The following IL11RA variants were observed in gnomAD, a reference collection of about 807,000 sequenced individuals.
IL11RA encodes the protein interleukin-11 receptor subunit alpha.
IL11RA carries 51 observed loss-of-function variants against 57.0 expected under a neutral mutation model. That is an observed-to-expected ratio of 0.89 (90% CI 0.71 to 1.13). The LOEUF is 1.13. Ranked by LOEUF, IL11RA falls within the 50% of genes most tolerant of loss-of-function variation. The pLI is 0.00. For synonymous variants in IL11RA, 199 were observed against 217.5 expected (o/e 0.91, Z 0.75); for missense variants, 498 against 539.4 (o/e 0.92, Z 0.76).
rs10121602 is a variant in IL11RA, at chr9:34,659,416, C to T, written c.811-343C>T. 7.8e-3 allele frequency among the ~76,000 whole-genome samples: 1,192 copies of T among 152,256 alleles called. 17 individuals carry two copies. The highest frequency in any genetic ancestry group is 0.027 in the African/African-American group (1,116 of 41,530). On this transcript the variant is annotated intron_variant, in intron 8 of 12. Transcript: ENST00000441545. ...CTTAGTGCTGCCTGCCTGTGGGGTA[C>T]CTGGCTACACTTTTTGCATACATTG...
At chr9:34,656,994 C>T (rs1359953684) in intron 4 of IL11RA, 41 bp from the exon 5 acceptor site, 24 of 1,609,530 alleles carry the variant, frequency 1.5e-5, no homozygotes, top group Admixed American at 6.7e-5. Context: ...CCAGGAGGAC[C>T]TGAGGACTGC....
chr9:34,655,736 CG>C (rs1361057527), intron 3 of IL11RA, 71 bp downstream of exon 3: 2 of 1,343,816 alleles, frequency 1.5e-6, no homozygotes, highest in Non-Finnish European at 2.1e-6. Flanking sequence ...CCTCATGTCC[CG>C]CCCCTCCCAT....
chr9:34,654,984 T>G (rs1587244821), intron 1 of IL11RA: 4 of 489,364 alleles, frequency 8.2e-6, no homozygotes, highest in Non-Finnish European at 1.5e-5. Flanking sequence ...TGTGAGGGGG[T>G]GTGTGTGTCC....
intron 6 of IL11RA, 29 bp downstream of exon 6, chr9:34,657,364 C>A (rs752902570): frequency 6.2e-7 from 1 of 1,614,106 alleles, no homozygotes. Flanking sequence ...TGTGGGGGCT[C>A]CAGCTGGGTC....
chr9:34,659,944 A>C (rs1246967954), intron 9 of IL11RA, 44 bp downstream of exon 9: 1 of 1,604,878 alleles, frequency 6.2e-7, no homozygotes, highest in East Asian at 2.3e-5. Context: ...CCCATCCCAA[A>C]GCATCTATCA....
Position 34,657,050 on chromosome 9 carries a change from C to T in IL11RA, c.347C>T (p.Pro116Leu), listed in dbSNP as rs1465759522. ...TLQLGYPPAR[P>L]VVSCQAADYE... ...CTGCCTCTAGACCCTCCAGCCCGCC[C>T]TGTTGTCTCCTGCCAAGCAGCCGAC... Residue 116 changes from proline to leucine, a missense_variant, in exon 5 of 13, where the codon CCT becomes CTT. Pro to Leu is a moderately conservative substitution (Grantham distance 98). Coordinates refer to ENST00000441545, the MANE Select transcript of IL11RA (RefSeq NM_001142784.3). The T allele has an allele frequency of 6.2e-7, 1 of 1,614,024 alleles. No individual in the cohort carries two copies. Among genetic ancestry groups the T allele is most frequent in the East Asian group, 2.2e-5 (1 of 44,880 alleles).
intron 1 of IL11RA, 108 bp from the exon 2 acceptor site, chr9:34,655,110 T>G: frequency 1.3e-6 from 1 of 770,666 alleles, no homozygotes; most frequent in South Asian, 1.5e-5. Context: ...TTACCCCACT[T>G]GGTGCATCAA....
intron 2 of IL11RA, 102 bp downstream of exon 2, chr9:34,655,419 C>T: frequency 1.2e-6 from 1 of 866,426 alleles, no homozygotes; most frequent in Non-Finnish European, 1.9e-6. Context: ...ACCCCTGCTC[C>T]TGTCATCCAA....
intron 12 of IL11RA, 101 bp from the exon 13 acceptor site, chr9:34,661,381 G>A (rs1821453643): frequency 7.8e-7 from 1 of 1,280,224 alleles, no homozygotes; most frequent in Admixed American, 1.7e-5. Context: ...CTCATCTTCA[G>A]AGTGTTAAGC....
Position 34,653,282 on chromosome 9 carries a change from G to C in IL11RA, c.-1+1049G>C, listed in dbSNP as rs1296750534. Among the ~76,000 whole-genome samples the C allele has an allele frequency of 6.6e-6, 1 of 152,196 alleles. No homozygotes were observed. Among genetic ancestry groups the C allele is most frequent in the African/African-American group, 2.4e-5 (1 of 41,438 alleles). ...TCTGAGGCGGTGTGGCTGTGCCCGTGTGACTGTGAGTGACCGCATGTGAGA... is the reference window on the plus strand; with the variant it reads ...TCTGAGGCGGTGTGGCTGTGCCCGTCTGACTGTGAGTGACCGCATGTGAGA... On this transcript the variant is annotated intron_variant, in intron 1 of 12. Coordinates refer to ENST00000441545, the MANE Select transcript of IL11RA (RefSeq NM_001142784.3). This position sits in a 1 kb window ranked among gnomAD's most constrained non-coding sequence, Gnocchi z 4.5.
chr9:34,660,459 G>C (rs1386155094), intron 10 of IL11RA, 45 bp from the exon 11 acceptor site: 2 of 1,613,998 alleles, frequency 1.2e-6, no homozygotes, highest in Non-Finnish European at 1.7e-6. Context: ...GGGACACCGA[G>C]CTTGGTCAGG....
chr9:34,659,752 C>T lies in IL11RA; in HGVS notation c.811-7C>T, dbSNP rs747921148. The T allele has an allele frequency of 4.3e-6, 7 of 1,614,072 alleles. No homozygotes were observed. The highest frequency in any genetic ancestry group is 5.9e-6 in the Non-Finnish European group (7 of 1,179,986). The stretch of plus-strand genomic sequence containing the variant: ...GCTGGGTAACAGTGAGTCATGTTTA[C>T]CCCCAGGTGGAGCCAGCTGGACTGG... On this transcript the variant is annotated splice_polypyrimidine_tract_variant and splice_region_variant and intron_variant, in intron 8 of 12. Transcript: ENST00000441545.
chr9:34,658,937 T>G lies in IL11RA; in HGVS notation c.810+254T>G, dbSNP rs756117032. Among the ~76,000 whole-genome samples the G allele has an allele frequency of 2.6e-5, 4 of 152,158 alleles. No homozygotes were observed. The highest frequency in any genetic ancestry group is 5.9e-5 in the Non-Finnish European group (4 of 68,018). On this transcript the variant is annotated intron_variant, in intron 8 of 12. Transcript: ENST00000441545. The surrounding 1 kb of genome is among the most constrained non-coding windows in gnomAD (Gnocchi z 4.0). ...ATGGCTTTTAAAAAAATAACTTTTT[T>G]TTTTTGAGAGGGAGTCTCGCTCTGT...
At chr9:34,660,800 G>A (rs1355354300) in intron 11 of IL11RA, 54 bp from the exon 12 acceptor site, 3 of 1,498,454 alleles carry the variant, frequency 2.0e-6, no homozygotes, top group Admixed American at 1.7e-5. Flanking sequence ...ACCCTTTGGC[G>A]GAGACTGAGA....
intron 1 of IL11RA, among the ~76,000 whole-genome samples, chr9:34,652,869 T>G (rs1169596670): frequency 6.6e-6 from 1 of 152,106 alleles, no homozygotes; most frequent in African/African-American, 2.4e-5. Context: ...GGTCTACTGC[T>G]CCTTATTTTC....
chr9:34,654,737 C>A (rs1441546038), intron 1 of IL11RA, among the ~76,000 whole-genome samples: 2 of 152,298 alleles, frequency 1.3e-5, no homozygotes, highest in East Asian at 3.9e-4. Context: ...ACACCCTTCC[C>A]CCAGGGTGAT....
chr9:34,655,064 A>G, intron 1 of IL11RA, 154 bp from the exon 2 acceptor site: 1 of 671,716 alleles, frequency 1.5e-6, no homozygotes, highest in East Asian at 2.8e-5. Flanking sequence ...GGGAAAGGGG[A>G]CCTCAGGTCA....
chr9:34,660,029 T>C, intron 9 of IL11RA, 129 bp downstream of exon 9: 4 of 1,315,970 alleles, frequency 3.0e-6, no homozygotes, highest in Non-Finnish European at 4.3e-6. Context: ...TGTCCCAGAC[T>C]TCAGACTTGT....
At chr9:34,656,598 C>T in intron 3 of IL11RA, 141 bp from the exon 4 acceptor site, 1 of 865,600 alleles carries the variant, frequency 1.2e-6, no homozygotes, top group Non-Finnish European at 1.9e-6. Flanking sequence ...CAAGGGCTGG[C>T]TCACAAGGGG....
Sources: allele counts gnomAD v4.1 joint callset (sites outside exome capture counted in the v4.1 genomes callset), GRCh38; gene constraint gnomAD v4.1.1; non-coding constraint Gnocchi (gnomAD v3.1); transcripts MANE v1.5; gene names NCBI Gene and HGNC (gene_info 2026-07-23, HGNC 2026-07-21).